The following RXFP1 variants were observed in gnomAD, a reference collection of about 807,000 sequenced individuals.
The protein encoded by RXFP1 is relaxin family peptide receptor 1.
A neutral mutation model predicts 89.8 loss-of-function variants in RXFP1; 73 were observed. The observed-to-expected ratio is 0.81, with a 90% CI of 0.67 to 0.99. The LOEUF is 0.99. RXFP1 is among the 50% of genes least tolerant of loss of function. RXFP1 has a pLI of 0.00. For synonymous variants in RXFP1, 277 were observed against 305.5 expected, an observed-to-expected ratio of 0.91 and a Z score of 0.97; for missense variants, 793 against 895.5, an observed-to-expected ratio of 0.89 and a Z score of 1.46.
chr4:158,580,077 G>T (rs1757040223), intron 2 of RXFP1, among the ~76,000 whole-genome samples: 1 of 152,174 alleles, frequency 6.6e-6, no homozygotes, highest in Non-Finnish European at 1.5e-5. Flanking sequence ...CATCAGGCCA[G>T]AGCCTTTATT....
At chr4:158,587,712 T>C (rs1758569799) in intron 2 of RXFP1, among the ~76,000 whole-genome samples, 1 of 152,196 alleles carries the variant, frequency 6.6e-6, no homozygotes, top group Non-Finnish European at 1.5e-5. Flanking sequence ...CTTAGTCAGG[T>C]CACCTAACCT....
intron 11 of RXFP1, 139 bp downstream of exon 11, chr4:158,628,848 C>A: frequency 2.4e-6 from 1 of 415,654 alleles, no homozygotes; most frequent in Non-Finnish European, 4.4e-6. Flanking sequence ...ACACCTCAAG[C>A]CACAAAGGAA....
chr4:158,524,558 C>T (rs1742003359), intron 1 of RXFP1, among the ~76,000 whole-genome samples: 1 of 152,086 alleles, frequency 6.6e-6, no homozygotes, highest in Non-Finnish European at 1.5e-5. Context: ...TTCCTTTTAG[C>T]CTTGAGAATT....
At chr4:158,523,174 T>TA (rs1182603492) in intron 1 of RXFP1, among the ~76,000 whole-genome samples, 1 of 152,180 alleles carries the variant, frequency 6.6e-6, no homozygotes, top group Non-Finnish European at 1.5e-5. Context: ...CAAACCACCA[T>TA]AAAAAATGTA....
chr4:158,548,549 T>C (rs952518195), intron 1 of RXFP1, among the ~76,000 whole-genome samples: 1 of 152,352 alleles, frequency 6.6e-6, no homozygotes, highest in South Asian at 2.1e-4. Flanking sequence ...CTAGCCTTGA[T>C]GGTCTTTACA....
intron 1 of RXFP1, among the ~76,000 whole-genome samples, chr4:158,553,910 T>G (rs571997060): frequency 6.6e-6 from 1 of 152,294 alleles, no homozygotes; most frequent in Admixed American, 6.5e-5. Context: ...TGGCATTGAA[T>G]GGTTTCCTAC....
chr4:158,593,785 A>C (rs1172280276), intron 3 of RXFP1, among the ~76,000 whole-genome samples: 1 of 152,222 alleles, frequency 6.6e-6, no homozygotes, highest in Non-Finnish European at 1.5e-5. Flanking sequence ...ATGTCAGTCA[A>C]GGATGTTATT....
intron 9 of RXFP1, among the ~76,000 whole-genome samples, chr4:158,620,875 C>A (rs1765493492): frequency 1.3e-5 from 2 of 152,288 alleles, no homozygotes; most frequent in East Asian, 3.9e-4. Flanking sequence ...AATCCCAACA[C>A]TTTGGGAGGC....
intron 1 of RXFP1, among the ~76,000 whole-genome samples, chr4:158,545,824 C>G (rs1207417535): frequency 6.6e-6 from 1 of 152,078 alleles, no homozygotes; most frequent in Non-Finnish European, 1.5e-5. Flanking sequence ...TGTTTTGGTA[C>G]CAGTGCCATG....
At chr4:158,588,871 G>A (rs1377281310) in intron 2 of RXFP1, among the ~76,000 whole-genome samples, 2 of 152,158 alleles carry the variant, frequency 1.3e-5, no homozygotes, top group African/African-American at 4.8e-5. Context: ...GCCAGCATTG[G>A]GTTCAGATTT....
In RXFP1 at chr4:158,543,669, CCATTT is replaced by C. The variant is rs563538070; in HGVS notation, c.49+21648_49+21652del. On this transcript the variant is annotated intron_variant, in intron 1 of 17. Coordinates refer to ENST00000307765, the MANE Select transcript of RXFP1 (RefSeq NM_021634.4). ...TTTATTTATTCCCCACTTCTCTATT[CCATTT>C]CATATTTCTTCTCAGTTTTTCTTCA... The C allele has an allele frequency of 9.3e-4, 641 of 691,616 alleles. 1 individual carries two copies. The African/African-American group carries it at 0.012, about 13-fold the overall frequency. 42.8% of individuals were successfully genotyped at this position (691,616 alleles called of 1,614,324 possible). A position where few individuals can be genotyped will look rare whatever the true frequency, so the allele number is the denominator to read the frequency against.
intron 2 of RXFP1, among the ~76,000 whole-genome samples, chr4:158,578,696 C>A (rs1756739655): frequency 1.3e-5 from 2 of 152,096 alleles, no homozygotes; most frequent in African/African-American, 2.4e-5. Flanking sequence ...ACTAACCCAA[C>A]CTTATCTGAG....
intron 1 of RXFP1, 59 bp downstream of exon 1, chr4:158,522,084 C>T: frequency 1.0e-6 from 1 of 1,001,120 alleles, no homozygotes. Context: ...TAACCACAAG[C>T]ACAAATGTTT....
rs558743300 is a variant in RXFP1 at position 158,550,168 on chromosome 4, A to C, written c.50-22530A>C. Among the ~76,000 whole-genome samples the C allele has an allele frequency of 1.2e-4, 18 of 152,292 alleles. 1 individual carries two copies. The Middle Eastern group carries it at 0.01, about 86-fold the overall frequency. ...GGGCAATGGCAGGAGGCCCTCCCCCAGCCTCTCTGCTGCCTTGCAGTTTGA... is the reference window on the plus strand; with the variant it reads ...GGGCAATGGCAGGAGGCCCTCCCCCCGCCTCTCTGCTGCCTTGCAGTTTGA... On this transcript the variant is annotated intron_variant, in intron 1 of 17. Transcript: ENST00000307765.
At chr4:158,561,221 C>G (rs1752362725) in intron 1 of RXFP1, among the ~76,000 whole-genome samples, 1 of 152,172 alleles carries the variant, frequency 6.6e-6, no homozygotes, top group African/African-American at 2.4e-5. Context: ...TAAACAGCAT[C>G]TTAAATGTAA....
chr4:158,524,776 G>A (rs1742068055), intron 1 of RXFP1, among the ~76,000 whole-genome samples: 1 of 152,076 alleles, frequency 6.6e-6, no homozygotes, highest in South Asian at 2.1e-4. Context: ...AGGACAACTT[G>A]TATTATAAGT....
rs545209808 is a variant in RXFP1 at position 158,645,165 on chromosome 4, T to A, written c.1345+27T>A. 2.6e-6 allele frequency: 4 copies of A among 1,533,424 alleles called. No individual in the cohort carries two copies. The Admixed American group carries it at 6.7e-5, about 26-fold the overall frequency. The allele number at this position is 1,533,424 out of a possible 1,614,324, so 95.0% of individuals were successfully genotyped here. The stretch of plus-strand genomic sequence containing the variant: ...TGAGTATTTCCTGGTTAAAGGAGAA[T>A]TGTAGTTTTGAAATATACAAAAGCT... On this transcript the variant is annotated intron_variant, in intron 15 of 17. Coordinates refer to ENST00000307765, the MANE Select transcript of RXFP1 (RefSeq NM_021634.4).
At chr4:158,650,466 C>T (rs1021534314) in intron 17 of RXFP1, among the ~76,000 whole-genome samples, 12 of 146,666 alleles carry the variant, frequency 8.2e-5, no homozygotes, top group Non-Finnish European at 1.8e-4. Context: ...AGTTTGTATT[C>T]ACATTTTAAA....
chr4:158,530,573 A>G (rs910997384), intron 1 of RXFP1, among the ~76,000 whole-genome samples: 4 of 152,178 alleles, frequency 2.6e-5, no homozygotes, highest in Admixed American at 2.0e-4. Flanking sequence ...AAATGTTTCT[A>G]CTTTCTCACA....
Sources: gnomAD v4.1 joint callset for allele counts (sites outside exome capture counted in the v4.1 genomes callset) on GRCh38, gnomAD v4.1.1 for gene constraint, MANE v1.5 for transcripts, NCBI Gene and HGNC (gene_info 2026-07-23, HGNC 2026-07-21) for gene names.